The following PDE1A variants were observed in gnomAD, a reference collection of about 807,000 sequenced individuals.
The protein encoded by PDE1A is phosphodiesterase 1A, also known as dual specificity calcium/calmodulin-dependent 3',5'-cyclic nucleotide phosphodiesterase 1A.
Under a neutral mutation model 61.7 loss-of-function variants are expected in PDE1A, and 35 were observed. The ratio of observed to expected loss-of-function variants is 0.57; its 90% CI spans 0.43 to 0.75. PDE1A has a LOEUF of 0.75. PDE1A is among the 30% of genes least tolerant of loss of function. The pLI, the probability that PDE1A is intolerant of heterozygous loss-of-function variation, is 0.00. For missense variants in PDE1A, 597 were observed against 630.6 expected, an observed-to-expected ratio of 0.95 and a Z score of 0.57; for synonymous variants, 232 against 213.2, an observed-to-expected ratio of 1.09 and a Z score of -0.77.
chr2:182,343,922 T>G (rs564734467), intron 1 of PDE1A, among the ~76,000 whole-genome samples: 1 of 151,364 alleles, frequency 6.6e-6, no homozygotes, highest in Non-Finnish European at 1.5e-5. Flanking sequence ...CAGGCTGGAG[T>G]GCAGTGGCAC....
chr2:182,157,458 T>C (rs910951675), intron 13 of PDE1A, among the ~76,000 whole-genome samples: 11 of 152,192 alleles, frequency 7.2e-5, no homozygotes, highest in African/African-American at 2.7e-4. Flanking sequence ...AGACTGCAAA[T>C]ATCACAAGTT....
intron 2 of PDE1A, among the ~76,000 whole-genome samples, chr2:182,499,356 T>G (rs1559517617): frequency 6.6e-6 from 1 of 152,038 alleles, no homozygotes; most frequent in Non-Finnish European, 1.5e-5. Flanking sequence ...TTTTGTATTT[T>G]CAGTAGAGAC....
chr2:182,569,614 C>T, the PDE1A span, among the ~76,000 whole-genome samples: 4 of 152,134 alleles, frequency 2.6e-5, no homozygotes, highest in African/African-American at 9.7e-5. Context: ...ATTTCACTGG[C>T]AAAAGCAGAT....
chr2:182,418,701 C>T (rs1703078259), intron 1 of PDE1A, among the ~76,000 whole-genome samples: 1 of 152,206 alleles, frequency 6.6e-6, no homozygotes, highest in African/African-American at 2.4e-5. Context: ...GTTATGCCCT[C>T]GCACACCAAC....
At chr2:182,691,205 A>G in the PDE1A span, among the ~76,000 whole-genome samples, 1 of 152,232 alleles carries the variant, frequency 6.6e-6, no homozygotes, top group African/African-American at 2.4e-5. Context: ...GGACCAAAAA[A>G]GAGCCCACAT....
chr2:182,403,236 C>G (rs567707864), intron 1 of PDE1A, among the ~76,000 whole-genome samples: 2 of 152,108 alleles, frequency 1.3e-5, no homozygotes, highest in Admixed American at 1.3e-4. Flanking sequence ...ATATTTATTG[C>G]GGCACTGTTT....
At chr2:182,413,990 A>T (rs1007986842) in intron 1 of PDE1A, among the ~76,000 whole-genome samples, 15 of 152,302 alleles carry the variant, frequency 9.8e-5, no homozygotes, top group Middle Eastern at 3.4e-3. Flanking sequence ...AGTATTGGGT[A>T]TCAGGAGGTC....
At chr2:182,554,638 T>C in the PDE1A span, among the ~76,000 whole-genome samples, 1 of 152,194 alleles carries the variant, frequency 6.6e-6, no homozygotes, top group African/African-American at 2.4e-5. Context: ...ATCTGTAAAA[T>C]GAATGTAATA....
the PDE1A span, among the ~76,000 whole-genome samples, chr2:182,715,822 C>T: frequency 6.6e-6 from 1 of 152,226 alleles, no homozygotes; most frequent in Non-Finnish European, 1.5e-5. Context: ...CAATCAGTGT[C>T]GCTTCAGGCA....
chr2:182,190,843 C>CAG (rs1685624896), intron 10 of PDE1A, among the ~76,000 whole-genome samples: 1 of 152,000 alleles, frequency 6.6e-6, no homozygotes, highest in Non-Finnish European at 1.5e-5. Context: ...GCAGTCCCAG[C>CAG]TACTCAGGAG....
the PDE1A span, among the ~76,000 whole-genome samples, chr2:182,535,949 G>T: frequency 6.6e-6 from 1 of 152,130 alleles, no homozygotes; most frequent in Non-Finnish European, 1.5e-5. Context: ...TAAACAGTCT[G>T]CCTTAAAAGA....
intron 1 of PDE1A, among the ~76,000 whole-genome samples, chr2:182,304,894 T>C (rs1010555288): frequency 3.9e-5 from 6 of 152,146 alleles, no homozygotes; most frequent in East Asian, 1.9e-4. Flanking sequence ...AATAAGCATA[T>C]GCTATTGGAA....
intron 2 of PDE1A, among the ~76,000 whole-genome samples, chr2:182,503,848 T>C (rs958038723): frequency 5.3e-5 from 8 of 152,200 alleles, no homozygotes; most frequent in African/African-American, 1.9e-4. Flanking sequence ...GGACTGTTTA[T>C]TGTTATATCC....
intron 2 of PDE1A, among the ~76,000 whole-genome samples, chr2:182,248,924 T>C (rs1025343823): frequency 2.0e-5 from 3 of 152,178 alleles, no homozygotes; most frequent in Non-Finnish European, 4.4e-5. Context: ...GGGCTCAGGG[T>C]AGGAGCATAT....
intron 1 of PDE1A, among the ~76,000 whole-genome samples, chr2:182,337,816 T>C (rs1401859209): frequency 6.6e-6 from 1 of 152,156 alleles, no homozygotes; most frequent in Non-Finnish European, 1.5e-5. Context: ...AAGGTAAATA[T>C]AGGATTTTAA....
Position 182,373,730 on chromosome 2 carries a change from T to C in PDE1A, c.53+52848A>G, listed in dbSNP as rs978056950. ...GTGACTAGTAAGGCTGAAAAATGAA[T>C]ATTTTTTTTCACATGAGCTTGTTTA... is the stretch of plus-strand genomic sequence containing the variant. On this transcript the variant is annotated intron_variant, in intron 1 of 13. Transcript: ENST00000351439. Among the ~76,000 whole-genome samples the C allele has an allele frequency of 1.1e-4, 17 of 152,176 alleles. 1 individual carries two copies. The highest frequency in any genetic ancestry group is 4.1e-4 in the African/African-American group (17 of 41,446).
chr2:182,204,859 C>T (rs1308145020), intron 8 of PDE1A, among the ~76,000 whole-genome samples: 3 of 152,276 alleles, frequency 2.0e-5, no homozygotes, highest in East Asian at 1.9e-4. Context: ...GAAAGTTCCA[C>T]CTTCCCTCTA....
chr2:182,409,186 T>G (rs888616039), intron 1 of PDE1A, among the ~76,000 whole-genome samples: 14 of 152,188 alleles, frequency 9.2e-5, no homozygotes, highest in Non-Finnish European at 1.9e-4. Flanking sequence ...TAAAATCGAA[T>G]CCTTTTTCCA....
In PDE1A at chr2:182,412,047, G is replaced by A. The variant is rs1315944073; in HGVS notation, c.53+14531C>T. On this transcript the variant is annotated intron_variant, in intron 1 of 13. Coordinates refer to ENST00000351439, the Ensembl canonical transcript of PDE1A. Reference sequence around the variant, plus strand: ...CACTCCAGCCTGGGCAATGGAGTGAGACTCCATCTCGAAAAAAAAAAAAAA... The same window carrying A: ...CACTCCAGCCTGGGCAATGGAGTGAAACTCCATCTCGAAAAAAAAAAAAAA... 3.1e-5 allele frequency among the ~76,000 whole-genome samples: 4 copies of A among 129,444 alleles called. No individual in the cohort carries two copies. The East Asian group carries it at 7.4e-4, about 24-fold the overall frequency. The allele number at this position is 129,444 out of a possible 152,430, so 84.9% of individuals were successfully genotyped here. A position where few individuals can be genotyped will look rare whatever the true frequency, so the allele number is the denominator to read the frequency against.
Sources: allele counts gnomAD v4.1 joint callset (sites outside exome capture counted in the v4.1 genomes callset), GRCh38; gene constraint gnomAD v4.1.1; transcripts MANE v1.5; gene names NCBI Gene and HGNC (gene_info 2026-07-23, HGNC 2026-07-21).